Variants in SPG11 observed in about 807,000 individuals in gnomAD.
SPG11 encodes SPG11 vesicle trafficking associated, spatacsin, also known as spatacsin.
Under a neutral mutation model 274.0 loss-of-function variants are expected in SPG11, and 222 were observed. The observed-to-expected ratio is 0.81, with a 90% confidence interval of 0.73 to 0.91. SPG11 has a LOEUF of 0.91. Among genes scored for constraint, SPG11 ranks in the 40% least tolerant of loss-of-function variants. SPG11 has a pLI of 0.00. For missense variants in SPG11, 3,114 were observed against 2,872.7 expected, an observed-to-expected ratio of 1.08 and a Z score of -1.92; for synonymous variants, 1,144 against 1,039.7, an observed-to-expected ratio of 1.10 and a Z score of -1.93.
intron 30 of SPG11, among the ~76,000 whole-genome samples, chr15:44,576,137 C>T (rs1595832106): frequency 1.1e-5 from 1 of 90,798 alleles, no homozygotes; most frequent in Non-Finnish European, 2.1e-5. Flanking sequence ...AATGAAACTC[C>T]ATCTCAAAAA....
At chr15:44,649,041 A>G (rs1356423519) in intron 6 of SPG11, 30 bp from the exon 7 acceptor site, 1 of 1,559,544 alleles carries the variant, frequency 6.4e-7, no homozygotes, top group Non-Finnish European at 8.8e-7. Context: ...TAGCTTTAAC[A>G]AATTAGATTA....
chr15:44,582,994 C>G (rs2082685715), intron 30 of SPG11, among the ~76,000 whole-genome samples: 1 of 152,148 alleles, frequency 6.6e-6, no homozygotes, highest in African/African-American at 2.4e-5. Context: ...CACCCCTATC[C>G]AACACAGTAC....
intron 30 of SPG11, among the ~76,000 whole-genome samples, chr15:44,578,949 A>G (rs987516532): frequency 1.3e-5 from 2 of 149,952 alleles, no homozygotes; most frequent in Non-Finnish European, 3.0e-5. Context: ...TGAGGTCAGG[A>G]GTTCGAGACC....
chr15:44,607,443 G>A (rs1198592498), intron 19 of SPG11, among the ~76,000 whole-genome samples: 1 of 152,144 alleles, frequency 6.6e-6, no homozygotes, highest in East Asian at 1.9e-4. Context: ...CACCATGCCT[G>A]GCTAATTGTT....
At position 44,566,792 on chromosome 15, in the gene SPG11, C is replaced by T. The variant is rs571698472; in HGVS notation, c.6755-487G>A. 1.1e-4 allele frequency among the ~76,000 whole-genome samples: 16 copies of T among 152,190 alleles called. No homozygotes were observed. The South Asian group carries it at 1.5e-3, about 14-fold the overall frequency. ...TTGGCTCACTGCAACCTCCGCCTCCCGGGTTCAAGTGATCCACCTGCTTCA... is the reference window on the plus strand; with the variant it reads ...TTGGCTCACTGCAACCTCCGCCTCCTGGGTTCAAGTGATCCACCTGCTTCA... On this transcript the variant is annotated intron_variant, in intron 36 of 39. Coordinates refer to ENST00000261866, the MANE Select transcript of SPG11 (RefSeq NM_025137.4).
intron 17 of SPG11, 95 bp from the exon 18 acceptor site, chr15:44,611,080 T>G: frequency 4.0e-6 from 1 of 252,338 alleles, no homozygotes. Context: ...AATTTTTAAC[T>G]CTATCCCCAG....
intron 26 of SPG11, among the ~76,000 whole-genome samples, chr15:44,594,781 T>C (rs891631902): frequency 5.9e-5 from 9 of 151,942 alleles, no homozygotes; most frequent in African/African-American, 2.2e-4. Context: ...AAAAACAAAA[T>C]AAAATAAATA....
rs886882364 is a variant in SPG11 at position 44,585,986 on chromosome 15, T to G, written c.4907-136A>C. ...GTTAAAGGAAAAATAAAAAGCTGTT[T>G]TTTTTTTTTTTTTTTTTTGAGATGG... On this transcript the variant is annotated intron_variant, in intron 28 of 39. Coordinates refer to ENST00000261866, the MANE Select transcript of SPG11 (RefSeq NM_025137.4). 49 of 500,390 alleles carry G rather than the reference T, an allele frequency of 9.8e-5. No individual in the cohort carries two copies. In the Admixed American group the frequency reaches 1.7e-3, roughly 17 times the overall value. The allele number at this position is 500,390 out of a possible 1,614,324, so 31.0% of individuals were successfully genotyped here.
chr15:44,603,710 C>A (rs1478015962), intron 20 of SPG11, among the ~76,000 whole-genome samples: 1 of 152,164 alleles, frequency 6.6e-6, no homozygotes, highest in Non-Finnish European at 1.5e-5. Flanking sequence ...CAGAAGGATG[C>A]TCAAGTCCCT....
intron 26 of SPG11, 46 bp downstream of exon 26, chr15:44,595,213 A>C (rs1454479198): frequency 3.8e-6 from 6 of 1,574,840 alleles, no homozygotes; most frequent in Non-Finnish European, 4.4e-6. Flanking sequence ...GGATATGCTG[A>C]AGTAATCTCT....
intron 24 of SPG11, among the ~76,000 whole-genome samples, 184 bp downstream of exon 24, chr15:44,596,600 T>G (rs1300230379): frequency 7.5e-6 from 1 of 133,792 alleles, no homozygotes; most frequent in African/African-American, 2.9e-5. Flanking sequence ...CACTGAAATC[T>G]TAGGAAAAAT....
At chr15:44,619,476 T>C (rs1246871377) in intron 15 of SPG11, among the ~76,000 whole-genome samples, 2 of 152,158 alleles carry the variant, frequency 1.3e-5, no homozygotes, top group African/African-American at 2.4e-5. Flanking sequence ...AAGAGCTACT[T>C]CCCCTCATTA....
intron 33 of SPG11, among the ~76,000 whole-genome samples, chr15:44,571,496 CTT>C (rs796235342): frequency 3.2e-5 from 4 of 126,114 alleles, no homozygotes; most frequent in Admixed American, 1.6e-4. Flanking sequence ...AATTTCTTTT[CTT>C]TTTTTTTTTT....
At position 44,583,915 on chromosome 15, in the gene SPG11, G is replaced by C; in HGVS notation, c.5765C>G (p.Ala1922Gly). Residue 1922 changes from alanine to glycine, a missense_variant, in exon 30 of 40, where the codon GCT (alanine) becomes GGT (glycine). By Grantham distance (60) the Ala-to-Gly change is moderately conservative. Coordinates refer to ENST00000261866, the MANE Select transcript of SPG11 (RefSeq NM_025137.4). ...LHCRALASGE[A>G]SMEDLHPEIH... is the part of the protein sequence containing the mutation. ...CTCTGGGTGCAGATCCTCCATACTA[G>C]CTTCCCCTGAGGCCAGTGCTCTGCA... 1 of 1,614,156 alleles carries C rather than the reference G, an allele frequency of 6.2e-7. No individual in the cohort carries two copies. The highest frequency in any genetic ancestry group is 8.5e-7 in the Non-Finnish European group (1 of 1,180,028).
intron 15 of SPG11, among the ~76,000 whole-genome samples, chr15:44,616,254 G>A (rs1432256587): frequency 1.4e-5 from 2 of 143,650 alleles, no homozygotes; most frequent in Non-Finnish European, 3.0e-5. Context: ...CGCCTAGGCT[G>A]GAGTGCAGTG....
chr15:44,619,363 T>C (rs1265956101), intron 15 of SPG11, among the ~76,000 whole-genome samples: 5 of 152,250 alleles, frequency 3.3e-5, no homozygotes, highest in South Asian at 2.1e-4. Context: ...AATGAAATGG[T>C]TGATATTCAG....
rs770326804 is a variant in SPG11, at chr15:44,657,316, GAA to G, written c.668-22_668-21del. The stretch of plus-strand genomic sequence containing the variant: ...AAATGTCTTTTAGTTAGAGTTAAAA[GAA>G]AATGCCAGTTTTGTAAGTATGCCTA... On this transcript the variant is annotated intron_variant, in intron 3 of 39. Transcript: ENST00000261866. The G allele has an allele frequency of 1.1e-4, 184 of 1,611,396 alleles. No homozygotes were observed. The African/African-American group carries it at 2.2e-3, about 20-fold the overall frequency.
chr15:44,651,791 A>AG lies in SPG11; in HGVS notation c.1155dup (p.Phe386LeufsTer12), dbSNP rs779161151. ...CCATGCATTATGTCCTGTGGAATGA[A>AG]GGCCCAGCTCTGCACACTTGTACTG... On this transcript the variant is annotated frameshift_variant, in exon 6 of 40. Coordinates refer to ENST00000261866, the MANE Select transcript of SPG11 (RefSeq NM_025137.4). LOFTEE classifies it high-confidence loss of function. 6.2e-7 allele frequency: 1 copy of AG among 1,614,186 alleles called. No homozygotes were observed. Among genetic ancestry groups the AG allele is most frequent in the East Asian group, 2.2e-5 (1 of 44,884 alleles).
Position 44,615,571 on chromosome 15 carries a change from G to T in SPG11, c.2835-5C>A. On this transcript the variant is annotated splice_polypyrimidine_tract_variant and splice_region_variant and intron_variant, in intron 15 of 39. Transcript: ENST00000261866. ...GATGCCAAAAAAACCCCATTCCTAT[G>T]GACAGATTTATAGGATGTCAAGTTA... is the stretch of plus-strand genomic sequence containing the variant. 6.2e-7 allele frequency: 1 copy of T among 1,612,974 alleles called. No homozygotes were observed. Among genetic ancestry groups the T allele is most frequent in the Non-Finnish European group, 8.5e-7 (1 of 1,179,286 alleles).
Sources: gnomAD v4.1 joint callset for allele counts (sites outside exome capture counted in the v4.1 genomes callset) on GRCh38, gnomAD v4.1.1 for gene constraint, MANE v1.5 for transcripts, NCBI Gene and HGNC (gene_info 2026-07-23, HGNC 2026-07-21) for gene names.